CANT1: variants seen among roughly 807,000 people sequenced by gnomAD.
The protein encoded by CANT1 is soluble calcium-activated nucleotidase 1.
A neutral mutation model predicts 30.0 loss-of-function variants in CANT1; 26 were observed. That is an observed-to-expected ratio of 0.87 (90% CI 0.64 to 1.20). CANT1 has a LOEUF of 1.20. Ranked by LOEUF, CANT1 falls within the 50% of genes most tolerant of loss-of-function variation. The probability of loss-of-function intolerance (pLI) is 0.00; values close to 1 mark genes in which losing one functional copy is unlikely to be tolerated. For synonymous variants in CANT1, 246 were observed against 251.8 expected, an observed-to-expected ratio of 0.98 and a Z score of 0.22; for missense variants, 518 against 563.0, an observed-to-expected ratio of 0.92 and a Z score of 0.81.
At position 78,993,919 on chromosome 17, in the gene CANT1, G is replaced by A. The variant is rs1336510255; in HGVS notation, c.837C>T (p.Gly279=). Residue 279 remains glycine (G), a splice_region_variant and synonymous_variant, in exon 5 of 5, where the codon GGC becomes GGT. Coordinates refer to ENST00000392446, the MANE Select transcript of CANT1 (RefSeq NM_001159773.2). This position sits in a 1 kb window ranked among gnomAD's most constrained non-coding sequence, Gnocchi z 4.5. ...AGCAGGCAGACTCATGGATGAGGTA[G>A]CCTGGGAACCGGGTGACCGCGGGTC... ...LRAAAGIQPP[G]YLIHESACWS... 2 of 1,578,588 alleles carry A rather than the reference G, an allele frequency of 1.3e-6. No homozygotes were observed. The highest frequency in any genetic ancestry group is 4.6e-5 in the East Asian group (2 of 43,426).
Position 78,992,101 on chromosome 17 carries a change from C to G in CANT1, c.*1449G>C, listed in dbSNP as rs900927527. On this transcript the variant is annotated 3_prime_UTR_variant, in exon 5 of 5. Coordinates refer to ENST00000392446, the MANE Select transcript of CANT1 (RefSeq NM_001159773.2). ...GTGACAGCTGAGCTCTTCAGAAATG[C>G]GTCACATTCAGCGTTCACTTCCTTC... 1 of 231,972 alleles carries G rather than the reference C, an allele frequency of 4.3e-6. No homozygotes were observed. Among genetic ancestry groups the G allele is most frequent in the African/African-American group, 2.2e-5 (1 of 45,264 alleles). 14.4% of individuals were successfully genotyped at this position (231,972 alleles called of 1,614,324 possible).
rs1260353994 is a variant in CANT1, at chr17:79,002,895, G to A, written c.-146-4932C>T. Among the ~76,000 whole-genome samples, 39 of 152,050 alleles carry A rather than the reference G, an allele frequency of 2.6e-4. No homozygotes were observed. Among genetic ancestry groups the A allele is most frequent in the Admixed American group, 2.5e-3 (38 of 15,280 alleles). ...CCCAGGTCGCTGTGCAACACTGCACGCCTTCCTATTCCAGACTCCTGGCAT... is the reference window on the plus strand; with the variant it reads ...CCCAGGTCGCTGTGCAACACTGCACACCTTCCTATTCCAGACTCCTGGCAT... On this transcript the variant is annotated intron_variant, in intron 1 of 4. Coordinates refer to ENST00000392446, the MANE Select transcript of CANT1 (RefSeq NM_001159773.2). The surrounding 1 kb of genome is among the most constrained non-coding windows in gnomAD (Gnocchi z 4.0).
At chr17:79,003,898 C>T (rs1230070671) in intron 1 of CANT1, among the ~76,000 whole-genome samples, 1 of 142,322 alleles carries the variant, frequency 7.0e-6, no homozygotes, top group Non-Finnish European at 1.5e-5. Flanking sequence ...ACAGGACACT[C>T]CCAGAGCGCA....
At position 78,995,775 on chromosome 17, in the gene CANT1, TATC is replaced by T. The variant is rs772244159; in HGVS notation, c.632-557_632-555del. Among the ~76,000 whole-genome samples, 2 of 152,164 alleles carry T rather than the reference TATC, an allele frequency of 1.3e-5. No individual in the cohort carries two copies. The highest frequency in any genetic ancestry group is 2.4e-5 in the African/African-American group (1 of 41,432). On this transcript the variant is annotated intron_variant, in intron 3 of 4. Transcript: ENST00000392446. This position sits in a 1 kb window ranked among gnomAD's most constrained non-coding sequence, Gnocchi z 5.7. ...GAGCCTGTGTTCTACCGTGTATTCT[TATC>T]ATCCCTACACCCTGGTGTTCTAACT...
rs1023756732 is a variant in CANT1, at chr17:78,995,151, C to T, written c.702G>A (p.Thr234=). 18 of 1,613,886 alleles carry T rather than the reference C, an allele frequency of 1.1e-5. No homozygotes were observed. The highest frequency in any genetic ancestry group is 2.7e-5 in the African/African-American group (2 of 74,882). ...LYVGGLGKEW[T]TTTGDVVNEN... The stretch of plus-strand genomic sequence containing the variant: ...CGTTCACCACATCACCCGTAGTGGT[C>T]GTCCACTCCTTGCCCAGGCCGCCCA... Residue 234 remains threonine, a synonymous_variant, in exon 4 of 5, where the codon ACG becomes ACA. Transcript: ENST00000392446. This position sits in a 1 kb window ranked among gnomAD's most constrained non-coding sequence, Gnocchi z 5.7.
Position 78,997,264 on chromosome 17 carries a change from T to G in CANT1, c.359A>C (p.Gln120Pro). 6.2e-7 allele frequency: 1 copy of G among 1,614,222 alleles called. No individual in the cohort carries two copies. The highest frequency in any genetic ancestry group is 8.5e-7 in the Non-Finnish European group (1 of 1,180,038). ...GTAACTGAACCAGGTGTTTTCCTCT[T>G]GGGCCCTTGACTCTGTGTCCAGGTC... is the stretch of plus-strand genomic sequence containing the variant. ...IADLDTESRAQEENTWFSYLK... is the reference protein window; with the variant it reads ...IADLDTESRAPEENTWFSYLK... The change falls in exon 3 of 5, where the codon CAA becomes CCA. Residue 120 changes from glutamine (Q) to proline (P), a missense_variant. Physicochemically the swap from Gln to Pro is moderately conservative, Grantham distance 76. Around this residue, in one of 3 missense-constraint regions of CANT1, gnomAD observed 249 missense variants for 268.8 expected, o/e 0.93. Coordinates refer to ENST00000392446, the MANE Select transcript of CANT1 (RefSeq NM_001159773.2). This position sits in a 1 kb window ranked among gnomAD's most constrained non-coding sequence, Gnocchi z 7.5.
Position 78,996,612 on chromosome 17 carries a change from T to A in CANT1, c.631+380A>T, listed in dbSNP as rs1274261245. On this transcript the variant is annotated intron_variant, in intron 3 of 4. Coordinates refer to ENST00000392446, the MANE Select transcript of CANT1 (RefSeq NM_001159773.2). The surrounding 1 kb of genome is among the most constrained non-coding windows in gnomAD (Gnocchi z 5.1). ...AGTGAGAACCATCTGTCCCCATGGC[T>A]TTCAGGGCAAGGCTCCTGGTAGGCA... Among the ~76,000 whole-genome samples, 1 of 152,138 alleles carries A rather than the reference T, an allele frequency of 6.6e-6. No individual in the cohort carries two copies. The highest frequency in any genetic ancestry group is 1.5e-5 in the Non-Finnish European group (1 of 68,028).
chr17:79,005,129 A>G (rs1290203827), intron 1 of CANT1, among the ~76,000 whole-genome samples: 8 of 34,476 alleles, frequency 2.3e-4, no homozygotes, highest in East Asian at 1.8e-3. Flanking sequence ...AGTTAGGGAG[A>G]GGGGATTTAG....
intron 1 of CANT1, chr17:79,005,462 G>A (rs532037435): frequency 6.6e-6 from 1 of 152,278 alleles, no homozygotes; most frequent in Admixed American, 6.5e-5. Flanking sequence ...ACAGCCAAGA[G>A]GGTTTGTTTC....
chr17:79,004,371 GGGGTT>G (rs2071409419), intron 1 of CANT1, among the ~76,000 whole-genome samples: 2 of 5,470 alleles, frequency 3.7e-4, no homozygotes, highest in African/African-American at 7.0e-4. Flanking sequence ...TAGGGAGAGG[GGGGTT>G]AGGGAGAAGG....
intron 1 of CANT1, among the ~76,000 whole-genome samples, chr17:79,004,197 G>C (rs533991762): frequency 2.7e-5 from 1 of 37,472 alleles, no homozygotes; most frequent in East Asian, 6.4e-4. Context: ...GTTAGGGAGA[G>C]GGAGGTTAGG....
rs758170862 is a variant in CANT1 at position 78,995,053 on chromosome 17, T to A, written c.800A>T (p.Asn267Ile). 20 of 1,598,838 alleles carry A rather than the reference T, an allele frequency of 1.3e-5. No homozygotes were observed. The highest frequency in any genetic ancestry group is 1.7e-5 in the Non-Finnish European group (20 of 1,172,814). Residue 267 changes from asparagine (N) to isoleucine (I), a missense_variant, in exon 4 of 5, where the codon AAC becomes ATC. By Grantham distance (149) the Asn-to-Ile change is moderately radical (BLOSUM62 -3). This residue lies in a region of CANT1 where 221 missense variants were observed against 211.8 expected (regional missense o/e 1.04). Coordinates refer to ENST00000392446, the MANE Select transcript of CANT1 (RefSeq NM_001159773.2). This position sits in a 1 kb window ranked among gnomAD's most constrained non-coding sequence, Gnocchi z 5.7. ...GATGCCGGCAGCAGCCCGCAGGGCG[T>A]TGTAGTTGGACACCCAGTTCTCGTG... Reference protein sequence around the residue: ...VDHENWVSNYNALRAAAGIQP... With the variant: ...VDHENWVSNYIALRAAAGIQP...
At chr17:79,003,676 C>T (rs1009040658) in intron 1 of CANT1, among the ~76,000 whole-genome samples, 1 of 152,016 alleles carries the variant, frequency 6.6e-6, no homozygotes, top group African/African-American at 2.4e-5. Flanking sequence ...TAATCAGCAA[C>T]AAGAGGACTC....
rs1001057027 is a variant in CANT1, at chr17:78,997,683, C to T, written c.-22-39G>A. 1.0e-5 allele frequency: 15 copies of T among 1,478,192 alleles called. No homozygotes were observed. The highest frequency in any genetic ancestry group is 4.8e-5 in the East Asian group (2 of 41,842). 91.6% of individuals were successfully genotyped at this position (1,478,192 alleles called of 1,614,324 possible). On this transcript the variant is annotated intron_variant, in intron 2 of 4. Transcript: ENST00000392446. This position sits in a 1 kb window ranked among gnomAD's most constrained non-coding sequence, Gnocchi z 7.5. ...GAGGGAGGAGAGGAGTCAGCGCCTC[C>T]GCAAGCCCAGTCACATCTTAGTTCC...
In CANT1 at chr17:78,992,013, A is replaced by C. The variant is rs1196427551; in HGVS notation, c.*1537T>G. On this transcript the variant is annotated 3_prime_UTR_variant, in exon 5 of 5. Transcript: ENST00000392446. ...TGGACATCAAGGACAATGATCTAGGAGGCGGGTCAAGGAGACAGCCAGGCA... is the reference window on the plus strand; with the variant it reads ...TGGACATCAAGGACAATGATCTAGGCGGCGGGTCAAGGAGACAGCCAGGCA... 1 of 231,342 alleles carries C rather than the reference A, an allele frequency of 4.3e-6. No individual in the cohort carries two copies. Among genetic ancestry groups the C allele is most frequent in the African/African-American group, 2.2e-5 (1 of 45,210 alleles). 14.3% of individuals were successfully genotyped at this position (231,342 alleles called of 1,614,324 possible). A position where few individuals can be genotyped will look rare whatever the true frequency, so the allele number is the denominator to read the frequency against.
chr17:79,007,023 G>C (rs1193709559), intron 1 of CANT1, among the ~76,000 whole-genome samples: 2 of 152,222 alleles, frequency 1.3e-5, no homozygotes, highest in Non-Finnish European at 2.9e-5. Context: ...TCTTAAGCCA[G>C]ACTTCAACGC....
Position 78,993,159 on chromosome 17 carries a change from C to T in CANT1, c.*391G>A, listed in dbSNP as rs937241206. 2 of 362,972 alleles carry T rather than the reference C, an allele frequency of 5.5e-6. No individual in the cohort carries two copies. Among genetic ancestry groups the T allele is most frequent in the African/African-American group, 2.0e-5 (1 of 49,242 alleles). The allele number at this position is 362,972 out of a possible 1,614,324, so 22.5% of individuals were successfully genotyped here. ...ACCTGGGGTTCCCAGCAAACAGGTC[C>T]ACCTCATGCTCACTGCGTTCTCAGG... On this transcript the variant is annotated 3_prime_UTR_variant, in exon 5 of 5. Transcript: ENST00000392446. This position sits in a 1 kb window ranked among gnomAD's most constrained non-coding sequence, Gnocchi z 4.5.
chr17:79,003,682 G>A (rs1333214890), intron 1 of CANT1, among the ~76,000 whole-genome samples: 1 of 151,988 alleles, frequency 6.6e-6, no homozygotes, highest in Non-Finnish European at 1.5e-5. Context: ...GCAACAAGAG[G>A]ACTCAGGGAC....
At position 79,008,215 on chromosome 17, in the gene CANT1, G is replaced by T. The variant is rs1236032745; in HGVS notation, c.-147+1449C>A. ...TGAGGCCAGCAGGGAGGAGCACCTG[G>T]GAGGAGCCCCACTGCCGTTCCACAG... On this transcript the variant is annotated intron_variant, in intron 1 of 4. Transcript: ENST00000392446. The surrounding 1 kb of genome is among the most constrained non-coding windows in gnomAD (Gnocchi z 4.4). The T allele has an allele frequency of 6.6e-6, 1 of 152,424 alleles. No homozygotes were observed. Among genetic ancestry groups the T allele is most frequent in the African/African-American group, 2.4e-5 (1 of 41,456 alleles). The allele number at this position is 152,424 out of a possible 1,614,324, so 9.4% of individuals were successfully genotyped here.
Sources: allele counts gnomAD v4.1 joint callset (sites outside exome capture counted in the v4.1 genomes callset), GRCh38; gene constraint gnomAD v4.1.1; regional missense constraint gnomAD v4.1.1; non-coding constraint Gnocchi (gnomAD v3.1); transcripts MANE v1.5; gene names NCBI Gene and HGNC (gene_info 2026-07-23, HGNC 2026-07-21).